The following MAP3K19 variants were observed in gnomAD, a reference collection of about 807,000 sequenced individuals.
MAP3K19 encodes the protein SPS1/STE20-related protein kinase YSK4.
In MAP3K19, 91 loss-of-function variants were observed where a neutral mutation model predicts 114.4. That is an observed-to-expected ratio of 0.80 (90% CI 0.67 to 0.95). The LOEUF (loss-of-function observed/expected upper bound fraction) is 0.95, where lower values mean the gene tolerates loss of function less well. Ranked by LOEUF, MAP3K19 falls within the 40% of genes least tolerant of loss-of-function variation. The pLI is 0.00. For missense variants in MAP3K19, 1,471 were observed against 1,573.2 expected (o/e 0.94, Z 1.10); for synonymous variants, 518 against 530.5 (o/e 0.98, Z 0.32).
chr2:134,991,119 G>C (rs551457684), intron 9 of MAP3K19, among the ~76,000 whole-genome samples: 2 of 151,894 alleles, frequency 1.3e-5, no homozygotes, highest in Non-Finnish European at 2.9e-5. Context: ...GGCTAACATG[G>C]AGAAACCCCG....
chr2:134,978,278 C>T (rs1470664283), intron 12 of MAP3K19, among the ~76,000 whole-genome samples: 3 of 151,772 alleles, frequency 2.0e-5, no homozygotes, highest in Non-Finnish European at 4.4e-5. Flanking sequence ...CATCAACTTC[C>T]GGGGTCAAGC....
At chr2:134,982,501 C>T (rs906291547) in intron 11 of MAP3K19, among the ~76,000 whole-genome samples, 2 of 151,930 alleles carry the variant, frequency 1.3e-5, no homozygotes, top group East Asian at 1.9e-4. Context: ...CAGGTCTGTG[C>T]CACCACACCT....
intron 12 of MAP3K19, 169 bp downstream of exon 12, chr2:134,980,652 A>G: frequency 3.2e-6 from 2 of 632,148 alleles, no homozygotes; most frequent in East Asian, 5.5e-5. Context: ...ACAACAATGA[A>G]CACAATTACC....
chr2:134,989,862 A>G (rs962165648), intron 9 of MAP3K19, among the ~76,000 whole-genome samples: 1 of 152,116 alleles, frequency 6.6e-6, no homozygotes, highest in Non-Finnish European at 1.5e-5. Context: ...CAATCGGATC[A>G]CTCAAGGTCA....
intron 8 of MAP3K19, among the ~76,000 whole-genome samples, chr2:134,995,897 T>A (rs546028345): frequency 3.9e-5 from 6 of 152,140 alleles, no homozygotes; most frequent in Non-Finnish European, 8.8e-5. Flanking sequence ...ATTCTAAACA[T>A]GATATTTAGC....
rs1202656947 is a variant in MAP3K19 at position 135,047,198 on chromosome 2, T to C, written c.-437A>G. ...GATTCGGCTTACCTGTGCTGTGTTT[T>C]GCTGAGGGACGTGGCACACAGTTGA... On this transcript the variant is annotated 5_prime_UTR_variant, in exon 1 of 13. Transcript: ENST00000392915. 1 of 152,216 alleles carries C rather than the reference T, an allele frequency of 6.6e-6. No homozygotes were observed. The highest frequency in any genetic ancestry group is 1.5e-5 in the Non-Finnish European group (1 of 68,044). 9.4% of individuals were successfully genotyped at this position (152,216 alleles called of 1,614,324 possible). A position where few individuals can be genotyped will look rare whatever the true frequency, so the allele number is the denominator to read the frequency against.
At chr2:135,032,510 G>A (rs1255958175) in intron 2 of MAP3K19, among the ~76,000 whole-genome samples, 1 of 151,480 alleles carries the variant, frequency 6.6e-6, no homozygotes, top group Admixed American at 6.6e-5. Context: ...GTTTACAGAA[G>A]CATTATTCAT....
At chr2:135,028,141 C>T (rs986533190) in intron 3 of MAP3K19, among the ~76,000 whole-genome samples, 1 of 152,182 alleles carries the variant, frequency 6.6e-6, no homozygotes, top group African/African-American at 2.4e-5. Context: ...GGAATAGTAG[C>T]GTCTTCCTTG....
chr2:134,985,384 G>C (rs1231354189), intron 10 of MAP3K19, among the ~76,000 whole-genome samples: 1 of 152,168 alleles, frequency 6.6e-6, no homozygotes, highest in African/African-American at 2.4e-5. Flanking sequence ...TGAACAAAAT[G>C]GTGAGCCACT....
intron 5 of MAP3K19, among the ~76,000 whole-genome samples, chr2:135,016,696 A>T (rs1282770845): frequency 1.3e-5 from 2 of 152,200 alleles, no homozygotes; most frequent in Non-Finnish European, 2.9e-5. Flanking sequence ...ATATTTTACT[A>T]CTTTCAGTGT....
At chr2:135,044,397 C>A (rs556771497) in intron 1 of MAP3K19, among the ~76,000 whole-genome samples, 1 of 152,260 alleles carries the variant, frequency 6.6e-6, no homozygotes, top group African/African-American at 2.4e-5. Flanking sequence ...TCGAGACCAA[C>A]TTGGCCAACG....
At chr2:135,029,036 A>T (rs940808139) in intron 3 of MAP3K19, among the ~76,000 whole-genome samples, 3 of 152,196 alleles carry the variant, frequency 2.0e-5, no homozygotes, top group African/African-American at 7.2e-5. Context: ...CAGTTTCTTA[A>T]AACTTGGTTC....
At chr2:135,008,186 G>A (rs1257949988) in intron 5 of MAP3K19, among the ~76,000 whole-genome samples, 1 of 150,984 alleles carries the variant, frequency 6.6e-6, no homozygotes, top group Non-Finnish European at 1.5e-5. Flanking sequence ...GCAGTGGTGC[G>A]ACCTCAGCTC....
chr2:135,004,545 T>G (rs1365207725), intron 6 of MAP3K19, among the ~76,000 whole-genome samples: 2 of 151,882 alleles, frequency 1.3e-5, no homozygotes, highest in African/African-American at 4.8e-5. Context: ...TTCCCTGGAG[T>G]GCTAGAAATA....
At chr2:134,977,047 GAAA>G (rs369837575) in intron 12 of MAP3K19, among the ~76,000 whole-genome samples, 2 of 116,168 alleles carry the variant, frequency 1.7e-5, no homozygotes, top group Admixed American at 9.2e-5. Context: ...CTCCGTCTCG[GAAA>G]AAAAAAAAAA....
chr2:135,017,275 C>A (rs374415526), intron 5 of MAP3K19, among the ~76,000 whole-genome samples: 1 of 152,114 alleles, frequency 6.6e-6, no homozygotes, highest in African/African-American at 2.4e-5. Flanking sequence ...ATGTCAGTAT[C>A]GGTAGGTTTA....
chr2:135,010,721 G>A, intron 5 of MAP3K19, among the ~76,000 whole-genome samples: 1 of 152,180 alleles, frequency 6.6e-6, no homozygotes, highest in East Asian at 1.9e-4. Context: ...TCAAACTCCT[G>A]TGTTCAAGTG....
rs1685276177 is a variant in MAP3K19, at chr2:134,987,870, C to T, written c.1002G>A (p.Glu334=). Residue 334 remains glutamate, a synonymous_variant, in exon 10 of 13, where the codon GAG becomes GAA. Transcript: ENST00000392915. ...FEKGQSLVSF[E]NLKEGNIPAV... Reference sequence around the variant, plus strand: ...CAGGAATATTGCCTTCCTTCAAATTCTCAAAAGACACCAAAGACTGCCCTT... The same window carrying T: ...CAGGAATATTGCCTTCCTTCAAATTTTCAAAAGACACCAAAGACTGCCCTT... 1 of 1,612,848 alleles carries T rather than the reference C, an allele frequency of 6.2e-7. No homozygotes were observed. The highest frequency in any genetic ancestry group is 8.5e-7 in the Non-Finnish European group (1 of 1,180,030).
chr2:135,030,104 G>A (rs546762208), intron 3 of MAP3K19, among the ~76,000 whole-genome samples: 17 of 152,288 alleles, frequency 1.1e-4, no homozygotes, highest in Non-Finnish European at 1.6e-4. Flanking sequence ...GAGGAAGGTG[G>A]AAATCGACTG....
Sources: gnomAD v4.1 joint callset for allele counts (sites outside exome capture counted in the v4.1 genomes callset) on GRCh38, gnomAD v4.1.1 for gene constraint, MANE v1.5 for transcripts, NCBI Gene and HGNC (gene_info 2026-07-23, HGNC 2026-07-21) for gene names.